CFAP46: variants seen among roughly 807,000 people sequenced by gnomAD.
CFAP46 encodes cilia- and flagella-associated protein 46.
A neutral mutation model predicts 325.7 loss-of-function variants in CFAP46; 245 were observed. The ratio of observed to expected loss-of-function variants is 0.75; its 90% CI spans 0.68 to 0.84. The LOEUF is 0.84. Among genes scored for constraint, CFAP46 ranks in the 40% least tolerant of loss-of-function variants. The probability of loss-of-function intolerance (pLI) is 0.00; values close to 1 mark genes in which losing one functional copy is unlikely to be tolerated. For synonymous variants in CFAP46, 1,523 were observed against 1,495.9 expected (o/e 1.02, Z -0.42); for missense variants, 3,346 against 3,543.0 (o/e 0.94, Z 1.41).
At chr10:132,911,722 C>A (rs928024729) in intron 19 of CFAP46, among the ~76,000 whole-genome samples, 1 of 152,206 alleles carries the variant, frequency 6.6e-6, no homozygotes, top group Non-Finnish European at 1.5e-5. Context: ...GATAAATGAT[C>A]CGCCTGGGCC....
chr10:132,899,453 T>C (rs2135479189), intron 23 of CFAP46, 82 bp downstream of exon 23: 2 of 1,451,008 alleles, frequency 1.4e-6, no homozygotes, highest in Non-Finnish European at 1.8e-6. Flanking sequence ...GCCCACAGGA[T>C]GGGCCACAGC....
chr10:132,913,318 C>G, intron 17 of CFAP46, 60 bp from the exon 18 acceptor site: 1 of 1,417,228 alleles, frequency 7.1e-7, no homozygotes, highest in Non-Finnish European at 9.6e-7. Flanking sequence ...GGCCAGGCAC[C>G]AGGAAGGCTG....
chr10:132,887,347 C>CTCG (rs200611910), intron 25 of CFAP46, among the ~76,000 whole-genome samples: 1 of 66,070 alleles, frequency 1.5e-5, no homozygotes, highest in Non-Finnish European at 2.8e-5. Context: ...TCTCTCCTCT[C>CTCG]CTCTCCTCCC....
In CFAP46 at chr10:132,814,878, G is replaced by A. The variant is rs754661502; in HGVS notation, c.7154C>T (p.Pro2385Leu). 21 of 1,614,156 alleles carry A rather than the reference G, an allele frequency of 1.3e-5. No individual in the cohort carries two copies. In the South Asian group the frequency reaches 2.1e-4, roughly 16 times the overall value. ...GVKKEGRSRD[P>L]KKRSLAKKGR... is the part of the protein sequence containing the mutation. ...CTTCTTCGCTAGGCTTCTCTTTTTG[G>A]GGTCTCTGCTTCTTCCCTCCTTTTT... Residue 2385 changes from proline (P) to leucine (L), a missense_variant, in exon 51 of 58, where the codon CCC becomes CTC. Physicochemically the swap from Pro to Leu is moderately conservative, Grantham distance 98. Transcript: ENST00000368586.
intron 9 of CFAP46, chr10:132,929,480 C>T (rs908167910): frequency 3.0e-5 from 23 of 765,456 alleles, no homozygotes; most frequent in Middle Eastern, 2.3e-4. Context: ...GCTGTGGACC[C>T]GTGGCCACAA....
chr10:132,922,948 G>T (rs1180375092), intron 11 of CFAP46, among the ~76,000 whole-genome samples: 2 of 152,256 alleles, frequency 1.3e-5, no homozygotes, highest in East Asian at 3.9e-4. Flanking sequence ...CACGACGGCA[G>T]CCCCTGGAAG....
chr10:132,908,935 G>A (rs553193622), intron 21 of CFAP46, among the ~76,000 whole-genome samples: 1 of 152,204 alleles, frequency 6.6e-6, no homozygotes, highest in Non-Finnish European at 1.5e-5. Context: ...CGTTTGCCTC[G>A]CACCAGGAGA....
intron 44 of CFAP46, among the ~76,000 whole-genome samples, chr10:132,838,256 C>G (rs538717897): frequency 6.6e-6 from 1 of 152,388 alleles, no homozygotes; most frequent in African/African-American, 2.4e-5. Flanking sequence ...TGGGCCTCTC[C>G]GCATGGGCAG....
rs567269285 is a variant in CFAP46 at position 132,909,189 on chromosome 10, T to G, written c.2705A>C (p.Tyr902Ser). Residue 902 changes from tyrosine to serine, a missense_variant, in exon 21 of 58, where the codon TAC becomes TCC. Physicochemically the swap from Tyr to Ser is moderately radical, Grantham distance 144 (BLOSUM62 -2). Transcript: ENST00000368586. ...CATGAGGCCCAGCCCGTTGCATGAG[T>G]ACATTTCCAAGGCAACGAGGACTCT... ...VTRVLVALEMYSCNGLGLMDF... is the reference protein window; with the variant it reads ...VTRVLVALEMSSCNGLGLMDF... 2 of 1,550,120 alleles carry G rather than the reference T, an allele frequency of 1.3e-6. No individual in the cohort carries two copies. The highest frequency in any genetic ancestry group is 2.0e-5 in the Admixed American group (1 of 50,984).
At chr10:132,850,498 CCA>C (rs1848520415) in intron 40 of CFAP46, 66 bp from the exon 41 acceptor site, 1 of 1,434,060 alleles carries the variant, frequency 7.0e-7, no homozygotes, top group Non-Finnish European at 9.3e-7. Flanking sequence ...CCCAGGGGAC[CCA>C]GTGAGCCCGC....
chr10:132,871,005 G>A (rs1848889966), intron 32 of CFAP46, among the ~76,000 whole-genome samples: 1 of 152,216 alleles, frequency 6.6e-6, no homozygotes, highest in South Asian at 2.1e-4. Context: ...CGCAGCCGGG[G>A]ACTTTGAGTT....
rs1248183951 is a variant in CFAP46 at position 132,919,911 on chromosome 10, C to A, written c.1730+148G>T. 2.2e-5 allele frequency: 25 copies of A among 1,115,800 alleles called. No individual in the cohort carries two copies. The highest frequency in any genetic ancestry group is 1.8e-5 in the Non-Finnish European group (15 of 826,100). 69.1% of individuals were successfully genotyped at this position (1,115,800 alleles called of 1,614,324 possible). On this transcript the variant is annotated intron_variant, in intron 14 of 57. Coordinates refer to ENST00000368586, the MANE Select transcript of CFAP46 (RefSeq NM_001200049.3). The surrounding 1 kb of genome is among the most constrained non-coding windows in gnomAD (Gnocchi z 9.7). ...CTGTGGCGGGACTCCCAGGCAGGGA[C>A]CTCGTCCCACCATCCTGGAGCAGGT...
At chr10:132,895,922 GGC>G in intron 24 of CFAP46, among the ~76,000 whole-genome samples, 2 of 111,308 alleles carry the variant, frequency 1.8e-5, no homozygotes, top group African/African-American at 7.0e-5. Context: ...ACGGTGAGAA[GGC>G]AGCCAGGCTC....
At chr10:132,816,838 G>A (rs1847705225) in intron 50 of CFAP46, among the ~76,000 whole-genome samples, 1 of 152,168 alleles carries the variant, frequency 6.6e-6, no homozygotes, top group Admixed American at 6.5e-5. Flanking sequence ...GCGCGAGGAT[G>A]GAAAAAAGTC....
intron 35 of CFAP46, among the ~76,000 whole-genome samples, chr10:132,862,691 G>A (rs537795129): frequency 2.0e-5 from 3 of 152,076 alleles, no homozygotes; most frequent in South Asian, 2.1e-4. Flanking sequence ...GGGCCTGAGA[G>A]GGGAGGGGTG....
rs1490013810 is a variant in CFAP46, at chr10:132,867,446, G to A, written c.4672C>T (p.Leu1558=). Residue 1558 remains leucine, a synonymous_variant, in exon 34 of 58, where the codon CTG becomes TTG. Coordinates refer to ENST00000368586, the MANE Select transcript of CFAP46 (RefSeq NM_001200049.3). Reference sequence around the variant, plus strand: ...AGTGTCTGCTCATTCAGTGCTGGCAGGCTTTCTTCTAATAAAGGCTCCTTA... The same window carrying A: ...AGTGTCTGCTCATTCAGTGCTGGCAAGCTTTCTTCTAATAAAGGCTCCTTA... ...KNKEPLLEES[L]PALNEQTLPV... The A allele has an allele frequency of 8.4e-6, 13 of 1,550,442 alleles. No individual in the cohort carries two copies. Among genetic ancestry groups the A allele is most frequent in the Non-Finnish European group, 1.1e-5 (13 of 1,147,016 alleles).
chr10:132,913,330 G>A (rs1210741493), intron 17 of CFAP46, 72 bp from the exon 18 acceptor site: 17 of 1,248,876 alleles, frequency 1.4e-5, no homozygotes, highest in South Asian at 5.5e-5. Flanking sequence ...GGAAGGCTGC[G>A]GGGCCTGTTA....
chr10:132,821,573 CTGA>C (rs1466823845), intron 50 of CFAP46, among the ~76,000 whole-genome samples: 3 of 116,722 alleles, frequency 2.6e-5, no homozygotes, highest in East Asian at 2.8e-4. Context: ...TGTGTGTGCG[CTGA>C]TGTGTGCTGT....
intron 1 of CFAP46, 52 bp from the exon 2 acceptor site, chr10:132,942,156 G>A (rs1850114931): frequency 3.9e-6 from 6 of 1,546,150 alleles, no homozygotes; most frequent in Non-Finnish European, 5.2e-6. Context: ...TGGGAGAAGT[G>A]AGCCGGGCAA....
Sources: allele counts gnomAD v4.1 joint callset (sites outside exome capture counted in the v4.1 genomes callset), GRCh38; gene constraint gnomAD v4.1.1; non-coding constraint Gnocchi (gnomAD v3.1); transcripts MANE v1.5; gene names NCBI Gene and HGNC (gene_info 2026-07-23, HGNC 2026-07-21).